Variants in FRMPD4 observed in about 807,000 individuals in gnomAD.
The protein encoded by FRMPD4 is FERM and PDZ domain-containing protein 4.
A neutral mutation model predicts 94.1 loss-of-function variants in FRMPD4; 22 were observed. The observed-to-expected ratio is 0.23, with a 90% CI of 0.17 to 0.33. FRMPD4 has a LOEUF of 0.33. Ranked by LOEUF, FRMPD4 falls within the 10% of genes least tolerant of loss-of-function variation. FRMPD4 has a pLI of 1.00. For synonymous variants in FRMPD4, 631 were observed against 548.6 expected (o/e 1.15, Z -2.10); for missense variants, 1,111 against 1,339.9 (o/e 0.83, Z 2.67).
At chrX:12,198,722 G>A (rs1169257502) in intron 1 of FRMPD4, among the ~76,000 whole-genome samples, 1 of 112,006 alleles carries the variant, frequency 8.9e-6, no homozygotes, top group African/African-American at 3.2e-5. Context: ...ATTAGACTTC[G>A]CAGACTTTTC....
In FRMPD4 at chrX:12,690,286, C is replaced by T. The variant is rs371519154; in HGVS notation, c.773C>T (p.Thr258Met). 6.6e-6 allele frequency: 8 copies of T among 1,207,209 alleles called. No homozygotes were observed. The African/African-American group carries it at 7.0e-5, about 11-fold the overall frequency. Residue 258 changes from threonine (T) to methionine (M), a missense_variant, in exon 8 of 17, where the codon ACG becomes ATG. Around this residue, in one of 8 missense-constraint regions of FRMPD4, gnomAD observed 37 missense variants for 101.0 expected, o/e 0.37. Transcript: ENST00000675598. ...MLEQRTEGAG[T>M]KLLLLHEQET... ...GAGCAGAGGACAGAAGGGGCTGGAA[C>T]GAAGCTGCTCTTGCTTCATGAACAG...
chrX:12,083,860 G>T (rs1035661176), intron 3 of FRMPD4, among the ~76,000 whole-genome samples: 6 of 112,010 alleles, frequency 5.4e-5, no homozygotes, highest in Admixed American at 9.4e-5. Flanking sequence ...CTCCCATTTG[G>T]AACAGCTGTA....
At chrX:11,903,503 C>CCAATTCAAACCCAAATTA (rs201057030) in intron 3 of FRMPD4, among the ~76,000 whole-genome samples, 33,750 of 110,528 alleles carry the variant, frequency 0.31, 4,007 homozygotes, top group East Asian at 0.62. Context: ...CTACTCTTCT[C>CCAATTCAAACCCAAATTA]CAATTTCATT....
intron 1 of FRMPD4, among the ~76,000 whole-genome samples, chrX:12,163,639 C>G (rs1436830425): frequency 8.9e-6 from 1 of 111,940 alleles, no homozygotes; most frequent in Non-Finnish European, 1.9e-5. Context: ...TTCCTTTTGC[C>G]ATTAAGGATA....
intron 2 of FRMPD4, among the ~76,000 whole-genome samples, chrX:11,869,723 ACAG>A (rs942937816): frequency 1.1e-4 from 12 of 112,016 alleles, no homozygotes; most frequent in African/African-American, 3.9e-4. Context: ...AATACACATC[ACAG>A]GAGAAAAACT....
At chrX:12,279,342 C>T in intron 1 of FRMPD4, among the ~76,000 whole-genome samples, 1 of 112,392 alleles carries the variant, frequency 8.9e-6, no homozygotes, top group Admixed American at 9.3e-5. Flanking sequence ...TATCATCACT[C>T]ATGCAGCCTC....
rs752449021 is a variant in FRMPD4, at chrX:12,253,705, G to A, written c.41+114693G>A. On this transcript the variant is annotated intron_variant, in intron 1 of 16. Transcript: ENST00000675598. ...GAGTGCTGGGGGAGAGAGAGAGAAG[G>A]GAGGTACAGGTTTCAGGAAGGAGTG... Among the ~76,000 whole-genome samples, 8 of 111,647 alleles carry A rather than the reference G, an allele frequency of 7.2e-5. No homozygotes were observed. In the East Asian group the frequency reaches 2.2e-3, roughly 31 times the overall value.
At chrX:12,043,264 C>CT (rs1431370032) in intron 3 of FRMPD4, among the ~76,000 whole-genome samples, 1 of 111,685 alleles carries the variant, frequency 9.0e-6, no homozygotes, top group Non-Finnish European at 1.9e-5. Context: ...GTATGTATGA[C>CT]TTTTTTGTGG....
intron 5 of FRMPD4, among the ~76,000 whole-genome samples, chrX:12,682,733 C>A (rs2059984832): frequency 8.9e-6 from 1 of 112,060 alleles, no homozygotes; most frequent in Admixed American, 9.5e-5. Context: ...CAGGTTCTCC[C>A]ATTGTACTTC....
chrX:12,143,493 A>G (rs909263975), intron 1 of FRMPD4, among the ~76,000 whole-genome samples: 5 of 112,541 alleles, frequency 4.4e-5, no homozygotes, highest in Non-Finnish European at 7.5e-5. Context: ...TATGGCCTAC[A>G]AAGCCTAAAA....
chrX:12,572,534 A>G (rs996787963), intron 2 of FRMPD4, among the ~76,000 whole-genome samples: 25 of 112,252 alleles, frequency 2.2e-4, no homozygotes, highest in African/African-American at 7.8e-4. Flanking sequence ...CCATGGCTCT[A>G]TTGACATTTG....
intron 2 of FRMPD4, among the ~76,000 whole-genome samples, chrX:12,604,975 A>G (rs1423180413): frequency 8.9e-6 from 1 of 112,252 alleles, no homozygotes; most frequent in Non-Finnish European, 1.9e-5. Context: ...ATGTTTATTC[A>G]TTCAGTTTTC....
At chrX:12,008,912 C>T (rs1398291027) in intron 3 of FRMPD4, among the ~76,000 whole-genome samples, 2 of 111,911 alleles carry the variant, frequency 1.8e-5, no homozygotes, top group Non-Finnish European at 3.8e-5. Context: ...TGGGTGCCCA[C>T]AGAGAGTTAA....
At chrX:11,933,038 C>G (rs186391724) in intron 3 of FRMPD4, among the ~76,000 whole-genome samples, 33 of 111,899 alleles carry the variant, frequency 2.9e-4, no homozygotes, top group African/African-American at 9.4e-4. Context: ...CAATAAATAC[C>G]TGGGAGTTTA....
chrX:12,205,452 A>G (rs934033970), intron 1 of FRMPD4, among the ~76,000 whole-genome samples: 2 of 112,353 alleles, frequency 1.8e-5, no homozygotes, highest in Admixed American at 9.4e-5. Flanking sequence ...TCTTATTTTT[A>G]TCTGAAGAAA....
At chrX:12,259,813 C>T (rs2054166348) in intron 1 of FRMPD4, among the ~76,000 whole-genome samples, 1 of 111,262 alleles carries the variant, frequency 9.0e-6, no homozygotes, top group Non-Finnish European at 1.9e-5. Flanking sequence ...CACATGACCA[C>T]ATACTATGAA....
intron 2 of FRMPD4, among the ~76,000 whole-genome samples, chrX:12,510,511 T>C (rs143180610): frequency 0.059 from 6,630 of 111,629 alleles, 162 homozygotes; most frequent in East Asian, 0.12. Context: ...GTCAGCAAGA[T>C]GGCGGACTAG....
chrX:12,538,884 A>C (rs1009231226), intron 2 of FRMPD4, among the ~76,000 whole-genome samples: 9 of 112,420 alleles, frequency 8.0e-5, no homozygotes, highest in African/African-American at 2.9e-4. Flanking sequence ...TGAAAATTCT[A>C]AAAATCAGAG....
At chrX:11,835,382 C>A (rs2053495769) in intron 1 of FRMPD4, among the ~76,000 whole-genome samples, 1 of 112,188 alleles carries the variant, frequency 8.9e-6, no homozygotes, top group South Asian at 3.7e-4. Context: ...CTTTCTCTCC[C>A]TCCTCCATCT....
Sources: allele counts gnomAD v4.1 joint callset (sites outside exome capture counted in the v4.1 genomes callset), GRCh38; gene constraint gnomAD v4.1.1; regional missense constraint gnomAD v4.1.1; transcripts MANE v1.5; gene names NCBI Gene and HGNC (gene_info 2026-07-23, HGNC 2026-07-21).